The following TBC1D22A variants were observed in gnomAD, a reference collection of about 807,000 sequenced individuals.
TBC1D22A encodes TBC1 domain family member 22A, also known as putative GTPase activator.
A neutral mutation model predicts 60.2 loss-of-function variants in TBC1D22A; 38 were observed. The observed-to-expected ratio is 0.63, with a 90% CI of 0.49 to 0.83. TBC1D22A has a LOEUF of 0.83. Among genes scored for constraint, TBC1D22A ranks in the 40% least tolerant of loss-of-function variants. TBC1D22A has a pLI of 0.00. For synonymous variants in TBC1D22A, 302 were observed against 281.7 expected (o/e 1.07, Z -0.72); for missense variants, 628 against 701.0 (o/e 0.90, Z 1.18).
chr22:47,097,480 G>C (rs1021351379), intron 11 of TBC1D22A, among the ~76,000 whole-genome samples: 1 of 152,072 alleles, frequency 6.6e-6, no homozygotes, highest in Non-Finnish European at 1.5e-5. Flanking sequence ...CGGGCGTGGT[G>C]GTGGGCACCT....
intron 4 of TBC1D22A, among the ~76,000 whole-genome samples, chr22:46,852,298 G>T (rs1025165200): frequency 6.6e-6 from 1 of 152,212 alleles, no homozygotes; most frequent in African/African-American, 2.4e-5. Flanking sequence ...TTCCCGGCCC[G>T]CAGAGAACTT....
intron 4 of TBC1D22A, among the ~76,000 whole-genome samples, chr22:46,816,216 C>A (rs2085593256): frequency 6.6e-6 from 1 of 152,188 alleles, no homozygotes. Context: ...CCCTGAGCCT[C>A]CCCACTGGAA....
At chr22:47,120,443 G>A (rs998432519) in intron 12 of TBC1D22A, among the ~76,000 whole-genome samples, 3 of 152,134 alleles carry the variant, frequency 2.0e-5, no homozygotes, top group Non-Finnish European at 4.4e-5. Flanking sequence ...CACACAACAT[G>A]GATATTAACA....
At chr22:47,120,916 G>A (rs1251555435) in intron 12 of TBC1D22A, among the ~76,000 whole-genome samples, 2 of 152,198 alleles carry the variant, frequency 1.3e-5, no homozygotes, top group East Asian at 1.9e-4. Context: ...AGAGTGGCAC[G>A]TTTTAAGCAC....
intron 1 of TBC1D22A, among the ~76,000 whole-genome samples, chr22:46,764,780 G>A (rs1488273379): frequency 6.6e-6 from 1 of 152,212 alleles, no homozygotes; most frequent in East Asian, 1.9e-4. Context: ...ACATTTACAA[G>A]CCAAGGAAAG....
chr22:47,071,686 A>G (rs1301358731), intron 11 of TBC1D22A, among the ~76,000 whole-genome samples: 1 of 152,226 alleles, frequency 6.6e-6, no homozygotes, highest in Non-Finnish European at 1.5e-5. Flanking sequence ...CAATCCAGAA[A>G]CCCTTGCTAA....
chr22:46,988,460 C>A (rs1424900324), intron 9 of TBC1D22A, among the ~76,000 whole-genome samples: 1 of 152,294 alleles, frequency 6.6e-6, no homozygotes, highest in East Asian at 1.9e-4. Flanking sequence ...CAAATAATGA[C>A]TTGAAAGTTG....
chr22:47,028,867 G>A lies in TBC1D22A; in HGVS notation c.1202-8204G>A, dbSNP rs886863317. Among the ~76,000 whole-genome samples the A allele has an allele frequency of 1.3e-5, 2 of 152,180 alleles. No homozygotes were observed. The highest frequency in any genetic ancestry group is 4.8e-5 in the African/African-American group (2 of 41,444). ...CCCCAAATGTGGGACACCACCGCAC[G>A]ATCCTGACACTAACATCCCAGAGTT... On this transcript the variant is annotated intron_variant, in intron 10 of 12. Transcript: ENST00000337137. The surrounding 1 kb of genome is among the most constrained non-coding windows in gnomAD (Gnocchi z 4.4).
chr22:46,797,708 T>C (rs1357854212), intron 4 of TBC1D22A, 88 bp downstream of exon 4: 3 of 1,360,370 alleles, frequency 2.2e-6, no homozygotes, highest in Non-Finnish European at 2.9e-6. Context: ...TATGTATGCT[T>C]ATGTAATGCA....
At chr22:47,043,198 T>C (rs131894) in intron 11 of TBC1D22A, among the ~76,000 whole-genome samples, 100,964 of 151,878 alleles carry the variant, frequency 0.66, 34,624 homozygotes, top group East Asian at 0.92. Flanking sequence ...GAGCCGGCCC[T>C]CAGGCAGGGT....
At chr22:47,036,981 G>T in intron 10 of TBC1D22A, 90 bp from the exon 11 acceptor site, 1 of 1,548,750 alleles carries the variant, frequency 6.5e-7, no homozygotes, top group Non-Finnish European at 8.8e-7. Context: ...TCTGAGGCGG[G>T]CGCAGGCCCT....
chr22:46,851,782 A>G (rs1223280368), intron 4 of TBC1D22A, among the ~76,000 whole-genome samples: 1 of 152,226 alleles, frequency 6.6e-6, no homozygotes, highest in Non-Finnish European at 1.5e-5. Context: ...TGTGGTTGGC[A>G]GGGCTAGGAA....
intron 9 of TBC1D22A, among the ~76,000 whole-genome samples, chr22:46,984,553 A>G (rs2074650425): frequency 6.6e-6 from 1 of 152,058 alleles, no homozygotes; most frequent in Non-Finnish European, 1.5e-5. Context: ...ATATTTGCCT[A>G]CCCTGAAGTC....
chr22:47,027,927 G>A (rs2062314107), intron 10 of TBC1D22A, among the ~76,000 whole-genome samples: 2 of 152,176 alleles, frequency 1.3e-5, no homozygotes, highest in African/African-American at 2.4e-5. Flanking sequence ...TTGAACTGCG[G>A]GTTCCCTGGC....
intron 10 of TBC1D22A, among the ~76,000 whole-genome samples, chr22:47,017,464 G>A (rs540303030): frequency 2.0e-5 from 3 of 152,254 alleles, no homozygotes; most frequent in East Asian, 3.9e-4. Context: ...CGTTGGGCAG[G>A]CGCCATGATG....
Position 46,792,785 on chromosome 22 carries a change from C to G in TBC1D22A, c.119+209C>G, listed in dbSNP as rs756989604. 1.4e-5 allele frequency: 20 copies of G among 1,459,466 alleles called. No individual in the cohort carries two copies. In the East Asian group the frequency reaches 5.0e-4, roughly 36 times the overall value. The allele number at this position is 1,459,466 out of a possible 1,614,324, so 90.4% of individuals were successfully genotyped here. A position where few individuals can be genotyped will look rare whatever the true frequency, so the allele number is the denominator to read the frequency against. ...CCGGTGAAGACGGCGGATGTGGGAGCCACAGCCTGATGTGGGGAGGTGGGG... is the reference window on the plus strand; with the variant it reads ...CCGGTGAAGACGGCGGATGTGGGAGGCACAGCCTGATGTGGGGAGGTGGGG... On this transcript the variant is annotated intron_variant, in intron 2 of 12. Coordinates refer to ENST00000337137, the MANE Select transcript of TBC1D22A (RefSeq NM_014346.5).
At chr22:47,128,820 C>T (rs1019216260) in intron 12 of TBC1D22A, among the ~76,000 whole-genome samples, 4 of 152,138 alleles carry the variant, frequency 2.6e-5, no homozygotes, top group Admixed American at 6.5e-5. Context: ...GTACTGCGTC[C>T]GAGGCAGATG....
intron 1 of TBC1D22A, among the ~76,000 whole-genome samples, chr22:46,765,612 C>T (rs1251382904): frequency 6.6e-6 from 1 of 151,362 alleles, no homozygotes; most frequent in African/African-American, 2.4e-5. Context: ...ATTACAGGCG[C>T]CCACCAGCAC....
intron 4 of TBC1D22A, among the ~76,000 whole-genome samples, chr22:46,801,264 A>C (rs58741373): frequency 0.015 from 2,285 of 152,350 alleles, 59 homozygotes; most frequent in African/African-American, 0.053. Flanking sequence ...TGTTTTTATA[A>C]GGCAGTTAAG....
Sources: allele counts gnomAD v4.1 joint callset (sites outside exome capture counted in the v4.1 genomes callset), GRCh38; gene constraint gnomAD v4.1.1; non-coding constraint Gnocchi (gnomAD v3.1); transcripts MANE v1.5; gene names NCBI Gene and HGNC (gene_info 2026-07-23, HGNC 2026-07-21).